The following CPED1 variants were observed in gnomAD, a reference collection of about 807,000 sequenced individuals.
The protein encoded by CPED1 is cadherin like and PC-esterase domain containing 1.
A neutral mutation model predicts 128.2 loss-of-function variants in CPED1; 114 were observed. The observed-to-expected ratio is 0.89, with a 90% confidence interval of 0.76 to 1.04. CPED1 has a LOEUF of 1.04. Ranked by LOEUF, CPED1 falls within the 50% of genes least tolerant of loss-of-function variation. The probability of loss-of-function intolerance (pLI) is 0.00; values close to 1 mark genes in which losing one functional copy is unlikely to be tolerated. For synonymous variants in CPED1, 462 were observed against 426.7 expected (o/e 1.08, Z -1.02); for missense variants, 1,211 against 1,207.1 (o/e 1.00, Z -0.05).
intron 22 of CPED1, among the ~76,000 whole-genome samples, chr7:121,293,549 G>A (rs1190763089): frequency 6.6e-6 from 1 of 152,050 alleles, no homozygotes; most frequent in Non-Finnish European, 1.5e-5. Flanking sequence ...CACTACTGGG[G>A]TATGAAAAAA....
chr7:120,998,131 A>G (rs893827311), intron 2 of CPED1, among the ~76,000 whole-genome samples: 1 of 152,126 alleles, frequency 6.6e-6, no homozygotes, highest in African/African-American at 2.4e-5. Flanking sequence ...TCAAGGAAGG[A>G]TTCCACCACA....
chr7:121,192,979 A>G (rs1287337827), intron 16 of CPED1, among the ~76,000 whole-genome samples: 1 of 152,194 alleles, frequency 6.6e-6, no homozygotes, highest in Non-Finnish European at 1.5e-5. Flanking sequence ...CTGGGACACC[A>G]CAGTGCTTTC....
At position 121,186,596 on chromosome 7, in the gene CPED1, G is replaced by A. The variant is rs572013556; in HGVS notation, c.2055+44455G>A. On this transcript the variant is annotated intron_variant, in intron 16 of 22. Coordinates refer to ENST00000310396, the MANE Select transcript of CPED1 (RefSeq NM_024913.5). ...AGATTATCAAAATCAAATATCAAAT[G>A]TTATAGATACCTGCAGTTTATTGAA... Among the ~76,000 whole-genome samples the A allele has an allele frequency of 1.4e-4, 21 of 152,140 alleles. No individual in the cohort carries two copies. The East Asian group carries it at 2.3e-3, about 17-fold the overall frequency.
At chr7:121,214,385 C>T (rs1293475160) in intron 16 of CPED1, among the ~76,000 whole-genome samples, 1 of 151,992 alleles carries the variant, frequency 6.6e-6, no homozygotes, top group Non-Finnish European at 1.5e-5. Context: ...CTCCGCCTCA[C>T]AAGATCAAGG....
chr7:121,015,720 AC>A lies in CPED1; in HGVS notation c.306del (p.Tyr102Ter), dbSNP rs771708597. The A allele has an allele frequency of 3.1e-6, 5 of 1,612,006 alleles. No homozygotes were observed. The highest frequency in any genetic ancestry group is 1.3e-5 in the African/African-American group (1 of 74,900). ...AGCCATGGCCGAAGGGCCATACTCT[AC>A]AGGCCTCCTTTCTACAGCAAAACAG... ...FGSHGRRAIL[Y>X]RPPFYSKTEL... On this transcript the variant is annotated frameshift_variant, in exon 3 of 23. Transcript: ENST00000310396. LOFTEE classifies it high-confidence loss of function.
intron 16 of CPED1, among the ~76,000 whole-genome samples, chr7:121,143,564 A>C (rs1795952005): frequency 6.6e-6 from 1 of 152,032 alleles, no homozygotes; most frequent in Non-Finnish European, 1.5e-5. Context: ...TTGAAGAACA[A>C]ATAATATAGC....
intron 16 of CPED1, among the ~76,000 whole-genome samples, chr7:121,219,700 T>C (rs1194809977): frequency 1.3e-5 from 2 of 152,068 alleles, no homozygotes; most frequent in Non-Finnish European, 2.9e-5. Flanking sequence ...CTAGGTGGAT[T>C]CTAATGTGTT....
At chr7:121,065,299 G>A (rs1793801224) in intron 5 of CPED1, among the ~76,000 whole-genome samples, 1 of 152,046 alleles carries the variant, frequency 6.6e-6, no homozygotes, top group Non-Finnish European at 1.5e-5. Context: ...TGGTTCTGTA[G>A]TTATTGTTTT....
rs1554438803 is a variant in CPED1 at position 121,129,317 on chromosome 7, A to ACG, written c.1408-808_1408-807insCG. On this transcript the variant is annotated intron_variant, in intron 11 of 22. Coordinates refer to ENST00000310396, the MANE Select transcript of CPED1 (RefSeq NM_024913.5). ...TATATATATATATATATATACGTAT[A>ACG]TATATATATATATATATACGTATAT... is the stretch of plus-strand genomic sequence containing the variant. 1.1e-4 allele frequency among the ~76,000 whole-genome samples: 14 copies of ACG among 126,842 alleles called. 1 individual carries two copies. Among genetic ancestry groups the ACG allele is most frequent in the African/African-American group, 4.3e-4 (14 of 32,462 alleles). 83.2% of individuals were successfully genotyped at this position (126,842 alleles called of 152,430 possible).
At chr7:121,190,998 G>T (rs1376588398) in intron 16 of CPED1, among the ~76,000 whole-genome samples, 1 of 152,120 alleles carries the variant, frequency 6.6e-6, no homozygotes, top group African/African-American at 2.4e-5. Context: ...AGCCTGTCTG[G>T]CCAGTCTTGG....
intron 13 of CPED1, among the ~76,000 whole-genome samples, chr7:121,134,475 TG>T (rs1275223262): frequency 1.3e-5 from 2 of 151,562 alleles, no homozygotes; most frequent in African/African-American, 4.8e-5. Flanking sequence ...GGGAAGGAGG[TG>T]GCTAGAGATT....
intron 18 of CPED1, 63 bp downstream of exon 18, chr7:121,244,401 A>G (rs751596010): frequency 1.9e-6 from 3 of 1,566,678 alleles, no homozygotes; most frequent in East Asian, 4.5e-5. Flanking sequence ...TAAAAATCGT[A>G]TAGTTGTATC....
intron 5 of CPED1, among the ~76,000 whole-genome samples, chr7:121,095,586 G>A (rs367736871): frequency 3.3e-5 from 5 of 151,926 alleles, no homozygotes; most frequent in South Asian, 4.2e-4. Flanking sequence ...AAAAATAAAG[G>A]TAACATTATT....
At chr7:121,075,760 A>G (rs535628009) in intron 5 of CPED1, among the ~76,000 whole-genome samples, 2 of 152,340 alleles carry the variant, frequency 1.3e-5, no homozygotes, top group African/African-American at 2.4e-5. Context: ...GCATGATAGT[A>G]AGTGATGAAA....
chr7:121,130,351 G>T (rs1332625339), intron 12 of CPED1, 57 bp downstream of exon 12: 15 of 1,428,706 alleles, frequency 1.0e-5, no homozygotes, highest in Admixed American at 4.7e-5. Flanking sequence ...TTTACAGATT[G>T]ATTTCAAAAG....
At chr7:121,020,202 CTT>C (rs770800480) in intron 3 of CPED1, among the ~76,000 whole-genome samples, 2 of 151,952 alleles carry the variant, frequency 1.3e-5, no homozygotes, top group African/African-American at 2.4e-5. Flanking sequence ...TAAAATTGCT[CTT>C]GTTTTTATAA....
intron 22 of CPED1, among the ~76,000 whole-genome samples, chr7:121,276,215 A>G (rs1453788996): frequency 2.0e-5 from 3 of 152,084 alleles, no homozygotes; most frequent in Admixed American, 2.0e-4. Flanking sequence ...TTTCCTTTAA[A>G]CTTTCCTCCC....
chr7:121,245,650 TTGAG>T (rs1397297944), intron 18 of CPED1, among the ~76,000 whole-genome samples: 2 of 152,136 alleles, frequency 1.3e-5, no homozygotes, highest in African/African-American at 2.4e-5. Context: ...CTCAGAGAGA[TTGAG>T]TAATTCACTG....
At chr7:121,290,974 C>A (rs769022867) in intron 22 of CPED1, among the ~76,000 whole-genome samples, 18 of 152,036 alleles carry the variant, frequency 1.2e-4, no homozygotes, top group Non-Finnish European at 1.9e-4. Flanking sequence ...TGAGTTAATT[C>A]TTGTATAAGG....
Sources: gnomAD v4.1 joint callset for allele counts (sites outside exome capture counted in the v4.1 genomes callset) on GRCh38, gnomAD v4.1.1 for gene constraint, MANE v1.5 for transcripts, NCBI Gene and HGNC (gene_info 2026-07-23, HGNC 2026-07-21) for gene names.